The following ADK variants were observed in gnomAD, a reference collection of about 807,000 sequenced individuals.
ADK encodes the protein adenosine kinase, also known as N6,N6-dimethyladenosine kinase.
A neutral mutation model predicts 44.7 loss-of-function variants in ADK; 24 were observed. The ratio of observed to expected loss-of-function variants is 0.54; its 90% CI spans 0.39 to 0.76. The LOEUF is 0.76. ADK is among the 30% of genes least tolerant of loss of function. ADK has a pLI of 0.00. For synonymous variants in ADK, 128 were observed against 142.6 expected (o/e 0.90, Z 0.73); for missense variants, 321 against 425.1 (o/e 0.76, Z 2.15).
chr10:74,590,820 A>G (rs1851691580), intron 8 of ADK, among the ~76,000 whole-genome samples: 1 of 152,164 alleles, frequency 6.6e-6, no homozygotes, highest in Admixed American at 6.5e-5. Flanking sequence ...GATCATGAGA[A>G]TATAAATAAA....
At chr10:74,579,848 C>A (rs1281420551) in intron 7 of ADK, among the ~76,000 whole-genome samples, 1 of 152,194 alleles carries the variant, frequency 6.6e-6, no homozygotes, top group Non-Finnish European at 1.5e-5. Flanking sequence ...ATAAGTGGAA[C>A]ATTTCCTGAA....
chr10:74,495,328 C>G (rs1044843961), intron 6 of ADK, among the ~76,000 whole-genome samples: 1 of 148,358 alleles, frequency 6.7e-6, no homozygotes, highest in Non-Finnish European at 1.5e-5. Flanking sequence ...TGAAGTTGAG[C>G]TTTTTGCATA....
intron 6 of ADK, among the ~76,000 whole-genome samples, chr10:74,405,237 G>A (rs1398496947): frequency 4.6e-5 from 7 of 152,012 alleles, no homozygotes; most frequent in Non-Finnish European, 1.0e-4. Flanking sequence ...AGCACTAAGG[G>A]GTCCCTAATC....
intron 7 of ADK, among the ~76,000 whole-genome samples, chr10:74,586,004 C>T (rs941269904): frequency 6.6e-6 from 1 of 152,216 alleles, no homozygotes; most frequent in East Asian, 1.9e-4. Flanking sequence ...TACTTTCTGA[C>T]CTAATGTCTT....
chr10:74,247,385 C>T (rs530527575), intron 3 of ADK, among the ~76,000 whole-genome samples: 8 of 151,636 alleles, frequency 5.3e-5, no homozygotes, highest in Non-Finnish European at 7.4e-5. Context: ...ACTACAGGCA[C>T]GTGCCACCAT....
At chr10:74,270,996 A>G (rs1846410419) in intron 3 of ADK, among the ~76,000 whole-genome samples, 1 of 152,228 alleles carries the variant, frequency 6.6e-6, no homozygotes, top group African/African-American at 2.4e-5. Flanking sequence ...CAAAACTGGA[A>G]TATTTTGGAG....
chr10:74,690,508 TATCACATCATACAAG>T (rs1458833574), intron 10 of ADK, among the ~76,000 whole-genome samples: 2 of 152,180 alleles, frequency 1.3e-5, no homozygotes, highest in African/African-American at 4.8e-5. Flanking sequence ...AAAAAGTCCA[TATCACATCATACAAG>T]ATCCTTGACG....
chr10:74,587,450 C>T (rs1282246690), intron 7 of ADK, among the ~76,000 whole-genome samples: 1 of 152,180 alleles, frequency 6.6e-6, no homozygotes, highest in Non-Finnish European at 1.5e-5. Flanking sequence ...TGTAATCATA[C>T]ATTTTGACCT....
intron 7 of ADK, among the ~76,000 whole-genome samples, chr10:74,548,482 G>C (rs182401361): frequency 2.8e-4 from 42 of 152,170 alleles, no homozygotes; most frequent in African/African-American, 1.0e-3. Flanking sequence ...TTTCAGAAGG[G>C]ACACACGATA....
At chr10:74,525,455 C>T in intron 7 of ADK, 29 bp downstream of exon 7, 1 of 1,584,154 alleles carries the variant, frequency 6.3e-7, no homozygotes. Context: ...TTCAAAAGAA[C>T]CTGGGGGTTT....
At chr10:74,555,225 G>C (rs964674747) in intron 7 of ADK, among the ~76,000 whole-genome samples, 2 of 152,140 alleles carry the variant, frequency 1.3e-5, no homozygotes, top group Non-Finnish European at 2.9e-5. Flanking sequence ...ATGCCACTGT[G>C]CTCCCACTTG....
chr10:74,400,161 G>C (rs1843658921), intron 6 of ADK, among the ~76,000 whole-genome samples: 1 of 152,060 alleles, frequency 6.6e-6, no homozygotes, highest in Admixed American at 6.6e-5. Context: ...AATTAATAAG[G>C]CAAATGATAT....
At chr10:74,684,686 C>T (rs773760863) in intron 10 of ADK, among the ~76,000 whole-genome samples, 1 of 152,110 alleles carries the variant, frequency 6.6e-6, no homozygotes, top group Non-Finnish European at 1.5e-5. Flanking sequence ...GTGGGAGGAT[C>T]GCTTGAGCTC....
At chr10:74,459,523 G>T (rs1846083445) in intron 6 of ADK, among the ~76,000 whole-genome samples, 1 of 151,890 alleles carries the variant, frequency 6.6e-6, no homozygotes, top group Non-Finnish European at 1.5e-5. Flanking sequence ...GAGGTCAAGA[G>T]ATCGAGACCA....
At chr10:74,671,038 T>TAAAAAAAAAAAAAA (rs10670267) in intron 10 of ADK, among the ~76,000 whole-genome samples, 20 of 99,080 alleles carry the variant, frequency 2.0e-4, no homozygotes, top group Admixed American at 3.8e-4. Context: ...CAGGTTAATT[T>TAAAAAAAAAAAAAA]AAAAAAAAAA....
At chr10:74,645,667 T>C (rs1313995927) in intron 9 of ADK, among the ~76,000 whole-genome samples, 7 of 152,232 alleles carry the variant, frequency 4.6e-5, no homozygotes, top group Admixed American at 4.6e-4. Flanking sequence ...GCTTTATAAA[T>C]ACATTGATGT....
chr10:74,349,659 T>G lies in ADK; in HGVS notation c.273+34914T>G, dbSNP rs549941339. On this transcript the variant is annotated intron_variant, in intron 4 of 10. Transcript: ENST00000539909. ...GTCAAGATCCATCGGTGTGCTGTAT[T>G]CAGGAGACCCATCTCACTTGCAAAG... is the stretch of plus-strand genomic sequence containing the variant. 2.6e-5 allele frequency among the ~76,000 whole-genome samples: 4 copies of G among 152,086 alleles called. No individual in the cohort carries two copies. In the South Asian group the frequency reaches 8.3e-4, roughly 32 times the overall value.
intron 6 of ADK, among the ~76,000 whole-genome samples, chr10:74,492,006 A>C (rs964069210): frequency 1.3e-5 from 2 of 152,158 alleles, no homozygotes; most frequent in African/African-American, 4.8e-5. Context: ...AGTTTAATGA[A>C]TTCCCATATG....
At chr10:74,306,611 T>G (rs989522954) in intron 3 of ADK, among the ~76,000 whole-genome samples, 3 of 152,220 alleles carry the variant, frequency 2.0e-5, no homozygotes, top group African/African-American at 2.4e-5. Flanking sequence ...AGATTGTATC[T>G]TCTACCAGAG....
Sources: allele counts gnomAD v4.1 joint callset (sites outside exome capture counted in the v4.1 genomes callset), GRCh38; gene constraint gnomAD v4.1.1; transcripts MANE v1.5; gene names NCBI Gene and HGNC (gene_info 2026-07-23, HGNC 2026-07-21).